Variants in ECT2 observed in about 807,000 individuals in gnomAD.
ECT2 encodes the protein epithelial cell transforming 2, also known as protein ECT2.
ECT2 carries 61 observed loss-of-function variants against 116.9 expected under a neutral mutation model. The observed-to-expected ratio is 0.52, with a 90% CI of 0.42 to 0.65. The LOEUF is 0.65. Ranked by LOEUF, ECT2 falls within the 30% of genes least tolerant of loss-of-function variation. ECT2 has a pLI of 0.00. For synonymous variants in ECT2, 358 were observed against 346.4 expected, an observed-to-expected ratio of 1.03 and a Z score of -0.37; for missense variants, 937 against 1,078.7, an observed-to-expected ratio of 0.87 and a Z score of 1.84.
At chr3:172,796,516 C>T (rs553263637) in intron 18 of ECT2, 6 of 152,228 alleles carry the variant, frequency 3.9e-5, no homozygotes, top group South Asian at 2.1e-4. Context: ...AATCGCTCCT[C>T]GGATAGACCT....
intron 22 of ECT2, among the ~76,000 whole-genome samples, chr3:172,811,528 T>G (rs894764776): frequency 3.3e-5 from 5 of 152,180 alleles, no homozygotes; most frequent in Non-Finnish European, 7.3e-5. Context: ...GTTTGTTAGT[T>G]CATTGAGAGA....
At chr3:172,806,444 C>T (rs1424933717) in intron 21 of ECT2, among the ~76,000 whole-genome samples, 3 of 152,120 alleles carry the variant, frequency 2.0e-5, no homozygotes, top group Non-Finnish European at 4.4e-5. Flanking sequence ...AAAATTTATA[C>T]CTACCTACAA....
chr3:172,760,865 T>G (rs1051752884), intron 7 of ECT2, among the ~76,000 whole-genome samples: 5 of 151,590 alleles, frequency 3.3e-5, no homozygotes, highest in African/African-American at 1.2e-4. Flanking sequence ...GGACTACAGG[T>G]GCGCACCACC....
chr3:172,766,416 G>A (rs1463345397), intron 12 of ECT2, among the ~76,000 whole-genome samples: 1 of 152,202 alleles, frequency 6.6e-6, no homozygotes, highest in East Asian at 1.9e-4. Flanking sequence ...CAGAGAAATT[G>A]ATTGAATAGA....
At chr3:172,777,823 C>T (rs1055819813) in intron 14 of ECT2, among the ~76,000 whole-genome samples, 1 of 152,176 alleles carries the variant, frequency 6.6e-6, no homozygotes, top group African/African-American at 2.4e-5. Flanking sequence ...CGCTTGAACC[C>T]AGGAGGCAGA....
At chr3:172,785,686 T>C (rs1327504107) in intron 17 of ECT2, among the ~76,000 whole-genome samples, 2 of 152,214 alleles carry the variant, frequency 1.3e-5, no homozygotes, top group African/African-American at 4.8e-5. Context: ...ATATGAATTA[T>C]AGTACTAACT....
chr3:172,778,742 C>T (rs4074285), intron 14 of ECT2, among the ~76,000 whole-genome samples: 7,393 of 151,924 alleles, frequency 0.049, 239 homozygotes, highest in Non-Finnish European at 0.072. Flanking sequence ...ACTACAGGCA[C>T]GCGCCACCAT....
intron 18 of ECT2, among the ~76,000 whole-genome samples, chr3:172,786,932 C>T (rs182339143): frequency 3.9e-5 from 6 of 152,152 alleles, no homozygotes; most frequent in South Asian, 2.1e-4. Context: ...CACAGTGAAA[C>T]GAAAAGGTTT....
At chr3:172,752,933 C>A (rs1049123018) in intron 1 of ECT2, among the ~76,000 whole-genome samples, 1 of 152,108 alleles carries the variant, frequency 6.6e-6, no homozygotes, top group African/African-American at 2.4e-5. Context: ...TTTGCTAAGA[C>A]TCTGGAGGAA....
chr3:172,769,507 T>C (rs1720214852), intron 13 of ECT2, among the ~76,000 whole-genome samples: 1 of 152,196 alleles, frequency 6.6e-6, no homozygotes, highest in Admixed American at 6.5e-5. Context: ...GTCATTGCTT[T>C]GTTTTTAGTA....
chr3:172,826,713 C>T, the ECT2 span, among the ~76,000 whole-genome samples: 1 of 152,120 alleles, frequency 6.6e-6, no homozygotes, highest in East Asian at 1.9e-4. Flanking sequence ...TTGCCACTGC[C>T]TCCCAACCTT....
chr3:172,760,766 G>A (rs1399609762), intron 7 of ECT2, among the ~76,000 whole-genome samples: 1 of 138,484 alleles, frequency 7.2e-6, no homozygotes, highest in Non-Finnish European at 1.5e-5. Context: ...TGTCACCCAG[G>A]CTGGAGTGCA....
At chr3:172,766,786 G>A (rs1719477787) in intron 12 of ECT2, among the ~76,000 whole-genome samples, 1 of 152,150 alleles carries the variant, frequency 6.6e-6, no homozygotes, top group Non-Finnish European at 1.5e-5. Flanking sequence ...GCTTGAGAGG[G>A]AGATCATGAT....
At chr3:172,789,621 T>A (rs901880694) in intron 18 of ECT2, among the ~76,000 whole-genome samples, 3 of 152,210 alleles carry the variant, frequency 2.0e-5, no homozygotes, top group South Asian at 2.1e-4. Context: ...CATATTAAAC[T>A]GCAAAGTTGG....
chr3:172,794,284 G>C (rs1725218822), intron 18 of ECT2, among the ~76,000 whole-genome samples: 1 of 152,006 alleles, frequency 6.6e-6, no homozygotes, highest in Non-Finnish European at 1.5e-5. Flanking sequence ...TTTGTATATG[G>C]GGCATGGTAT....
chr3:172,826,628 C>T, the ECT2 span, among the ~76,000 whole-genome samples: 3 of 152,226 alleles, frequency 2.0e-5, no homozygotes, highest in African/African-American at 7.2e-5. Context: ...AACAGCACTG[C>T]ATGCTACAGA....
intron 12 of ECT2, among the ~76,000 whole-genome samples, chr3:172,767,565 C>G (rs1719723606): frequency 6.6e-6 from 1 of 152,044 alleles, no homozygotes; most frequent in African/African-American, 2.4e-5. Context: ...TCACCTATTT[C>G]TATTTTATGT....
At chr3:172,754,750 C>A (rs1716620160) in intron 2 of ECT2, 90 bp downstream of exon 2, 1 of 976,850 alleles carries the variant, frequency 1.0e-6, no homozygotes, top group African/African-American at 1.7e-5. Context: ...TTAATACCAA[C>A]TGTAATGCTA....
intron 18 of ECT2, among the ~76,000 whole-genome samples, chr3:172,791,297 TAGTC>T (rs1311641814): frequency 1.3e-4 from 19 of 151,566 alleles, no homozygotes; most frequent in Admixed American, 1.3e-3. Context: ...GGCTTCAACA[TAGTC>T]AGTCACCAGC....
Sources: allele counts gnomAD v4.1 joint callset (sites outside exome capture counted in the v4.1 genomes callset), GRCh38; gene constraint gnomAD v4.1.1; transcripts MANE v1.5; gene names NCBI Gene and HGNC (gene_info 2026-07-23, HGNC 2026-07-21).